Variants in SERF1B observed in about 807,000 individuals in gnomAD.
SERF1B encodes the protein small EDRK-rich factor 1B.
intron 2 of SERF1B, among the ~76,000 whole-genome samples, chr5:70,029,249 C>T (rs530458632): frequency 6.6e-6 from 1 of 151,816 alleles, no homozygotes; most frequent in East Asian, 1.9e-4. Context: ...GATTCTCCTG[C>T]GTCAGCAATC....
At chr5:70,029,521 GT>G in intron 2 of SERF1B, among the ~76,000 whole-genome samples, 1 of 143,912 alleles carries the variant, frequency 6.9e-6, no homozygotes, top group Non-Finnish European at 1.5e-5. Context: ...GTGCAGGTTT[GT>G]TACATAGATA....
chr5:70,029,365 A>G (rs1774114374), intron 2 of SERF1B, among the ~76,000 whole-genome samples: 1 of 150,578 alleles, frequency 6.6e-6, no homozygotes, highest in Non-Finnish European at 1.5e-5. Context: ...CAAACTACTG[A>G]CCTCAAGTGA....
At position 70,036,627 on chromosome 5, in the gene SERF1B, A is replaced by ACTCTCTCTCTCTCT. The variant is rs1190752176; in HGVS notation, c.117-4896_117-4895insTCTCTCTCTCTCTC. Among the ~76,000 whole-genome samples, 72 of 50,226 alleles carry ACTCTCTCTCTCTCT rather than the reference A, an allele frequency of 1.4e-3. No homozygotes were observed. The East Asian group carries it at 0.014, about 10-fold the overall frequency. 33.0% of individuals were successfully genotyped at this position (50,226 alleles called of 152,430 possible). On this transcript the variant is annotated intron_variant, in intron 2 of 2. Coordinates refer to ENST00000380750, the MANE Select transcript of SERF1B (RefSeq NM_022978.3). ...CACACACACACACACACACACACAC[A>ACTCTCTCTCTCTCT]CACTCTCTCTCTCTCTCTCTCTCTC...
intron 2 of SERF1B, chr5:70,029,719 C>T: frequency 2.2e-6 from 1 of 454,736 alleles, no homozygotes; most frequent in Non-Finnish European, 4.4e-6. Context: ...GATTAAAGAC[C>T]TTAATTTAAG....
chr5:70,029,465 T>C (rs1352586199), intron 2 of SERF1B, among the ~76,000 whole-genome samples: 2 of 150,458 alleles, frequency 1.3e-5, no homozygotes, highest in African/African-American at 4.9e-5. Context: ...TTTTTGAATT[T>C]TTTTTTTATT....
intron 2 of SERF1B, among the ~76,000 whole-genome samples, chr5:70,037,951 ACT>A (rs1774217990): frequency 9.2e-6 from 1 of 108,248 alleles, no homozygotes; most frequent in Non-Finnish European, 1.7e-5. Context: ...ACAGAACAAG[ACT>A]CTGTCTCAAA....
chr5:70,038,459 CATT>C, intron 2 of SERF1B, among the ~76,000 whole-genome samples: 2 of 74,536 alleles, frequency 2.7e-5, no homozygotes, highest in Non-Finnish European at 5.2e-5. Flanking sequence ...AAATACAAAA[CATT>C]AGCCGGGCAT....
chr5:70,029,357 AACTACTG>A (rs1264446560), intron 2 of SERF1B, among the ~76,000 whole-genome samples: 2 of 151,442 alleles, frequency 1.3e-5, no homozygotes, highest in Admixed American at 6.6e-5. Context: ...GCTGGTCTCA[AACTACTG>A]ACCTCAAGTG....
At chr5:70,036,617 ACACACACACACACTCT>A (rs1161616104) in intron 2 of SERF1B, among the ~76,000 whole-genome samples, 6 of 129,876 alleles carry the variant, frequency 4.6e-5, no homozygotes, top group African/African-American at 1.9e-4. Flanking sequence ...ACACACACAC[ACACACACACACACTCT>A]CTCTCTCTCT....
chr5:70,037,934 C>T lies in SERF1B; in HGVS notation c.117-3590C>T, dbSNP rs1328168825. On this transcript the variant is annotated intron_variant, in intron 2 of 2. Coordinates refer to ENST00000380750, the MANE Select transcript of SERF1B (RefSeq NM_022978.3). ...CGAGACTGCACCACTGCACTCTAGC[C>T]TGAGCAACAGAACAAGACTCTGTCT... 2.6e-5 allele frequency among the ~76,000 whole-genome samples: 3 copies of T among 114,834 alleles called. No homozygotes were observed. The East Asian group carries it at 6.5e-4, about 25-fold the overall frequency. 75.3% of individuals were successfully genotyped at this position (114,834 alleles called of 152,430 possible).
At chr5:70,036,573 G>T (rs1372166894) in intron 2 of SERF1B, among the ~76,000 whole-genome samples, 10 of 130,892 alleles carry the variant, frequency 7.6e-5, no homozygotes, top group African/African-American at 2.6e-4. Context: ...GGTGATAAGA[G>T]TGGGACCCTG....
rs763495681 is a variant in SERF1B at position 70,036,629 on chromosome 5, A to ACACTCTCTCTCTCTCT, written c.117-4894_117-4893insACTCTCTCTCTCTCTC. ...CACACACACACACACACACACACAC[A>ACACTCTCTCTCTCTCT]CTCTCTCTCTCTCTCTCTCTCTCTC... On this transcript the variant is annotated intron_variant, in intron 2 of 2. Coordinates refer to ENST00000380750, the MANE Select transcript of SERF1B (RefSeq NM_022978.3). Among the ~76,000 whole-genome samples, 111 of 49,900 alleles carry ACACTCTCTCTCTCTCT rather than the reference A, an allele frequency of 2.2e-3. 1 individual carries two copies. In the East Asian group the frequency reaches 0.024, roughly 11 times the overall value. The allele number at this position is 49,900 out of a possible 152,430, so 32.7% of individuals were successfully genotyped here.
intron 2 of SERF1B, among the ~76,000 whole-genome samples, chr5:70,028,412 G>A (rs1380080460): frequency 6.6e-6 from 1 of 151,340 alleles, no homozygotes; most frequent in Non-Finnish European, 1.5e-5. Context: ...ACTTAGCCGG[G>A]CGAGGTGGCA....
intron 2 of SERF1B, among the ~76,000 whole-genome samples, chr5:70,028,892 G>A (rs1429760369): frequency 1.4e-5 from 2 of 146,204 alleles, no homozygotes; most frequent in African/African-American, 2.5e-5. Context: ...CAGGAGACTG[G>A]CGTGAACCCG....
In SERF1B at chr5:70,036,629, A is replaced by ACACACTCTCTCTCT. The variant is rs763495681; in HGVS notation, c.117-4894_117-4893insACACTCTCTCTCTC. Reference sequence around the variant, plus strand: ...CACACACACACACACACACACACACACTCTCTCTCTCTCTCTCTCTCTCTC... The same window carrying ACACACTCTCTCTCT: ...CACACACACACACACACACACACACACACACTCTCTCTCTCTCTCTCTCTCTCTCTCTCTCTCTC... On this transcript the variant is annotated intron_variant, in intron 2 of 2. Coordinates refer to ENST00000380750, the MANE Select transcript of SERF1B (RefSeq NM_022978.3). 8.9e-3 allele frequency among the ~76,000 whole-genome samples: 446 copies of ACACACTCTCTCTCT among 50,002 alleles called. 1 individual carries two copies. Among genetic ancestry groups the ACACACTCTCTCTCT allele is most frequent in the Non-Finnish European group, 0.013 (287 of 22,770 alleles). 32.8% of individuals were successfully genotyped at this position (50,002 alleles called of 152,430 possible).
chr5:70,038,246 A>G (rs1266735853), intron 2 of SERF1B, among the ~76,000 whole-genome samples: 2 of 150,550 alleles, frequency 1.3e-5, no homozygotes, highest in Non-Finnish European at 3.0e-5. Flanking sequence ...ATACCACTCA[A>G]GGGGGCTGTT....
chr5:70,037,954 C>T (rs1278761874), intron 2 of SERF1B, among the ~76,000 whole-genome samples: 28 of 111,606 alleles, frequency 2.5e-4, no homozygotes, highest in Admixed American at 7.7e-4. Flanking sequence ...GAACAAGACT[C>T]TGTCTCAAAA....
chr5:70,037,958 C>A (rs1774218257), intron 2 of SERF1B, among the ~76,000 whole-genome samples: 1 of 110,588 alleles, frequency 9.0e-6, no homozygotes, highest in Non-Finnish European at 1.7e-5. Context: ...AAGACTCTGT[C>A]TCAAAAAAAA....
At chr5:70,035,375 T>TTAG (rs1334705576) in intron 2 of SERF1B, among the ~76,000 whole-genome samples, 1 of 139,318 alleles carries the variant, frequency 7.2e-6, no homozygotes, top group Non-Finnish European at 1.6e-5. Context: ...ATTATTATTA[T>TTAG]TATTATTATT....
Sources: gnomAD v4.1 joint callset for allele counts (sites outside exome capture counted in the v4.1 genomes callset) on GRCh38, gnomAD v4.1.1 for gene constraint, MANE v1.5 for transcripts, NCBI Gene and HGNC (gene_info 2026-07-23, HGNC 2026-07-21) for gene names.